The following CC2D2A variants were observed in gnomAD, a reference collection of about 807,000 sequenced individuals.
CC2D2A encodes coiled-coil and C2 domain-containing protein 2A.
A neutral mutation model predicts 212.9 loss-of-function variants in CC2D2A; 155 were observed. The ratio of observed to expected loss-of-function variants is 0.73; its 90% confidence interval spans 0.64 to 0.83. The LOEUF is 0.83. CC2D2A is among the 40% of genes least tolerant of loss of function. The pLI, the probability that CC2D2A is intolerant of heterozygous loss-of-function variation, is 0.00. For synonymous variants in CC2D2A, 667 were observed against 686.5 expected (o/e 0.97, Z 0.44); for missense variants, 1,856 against 1,956.2 (o/e 0.95, Z 0.97).
At position 15,514,768 on chromosome 4, in the gene CC2D2A, T is replaced by C. The variant is rs1440700780; in HGVS notation, c.779T>C (p.Val260Ala). The C allele has an allele frequency of 7.4e-6, 12 of 1,613,294 alleles. No individual in the cohort carries two copies. The South Asian group carries it at 8.8e-5, about 12-fold the overall frequency. Residue 260 changes from valine to alanine, a missense_variant, in exon 9 of 37, where the codon GTG (valine) becomes GCG (alanine). Coordinates refer to ENST00000424120, the MANE Select transcript of CC2D2A (RefSeq NM_001378615.1). ...AEDFLLGLDHVADDFVAVRPA... is the reference protein window; with the variant it reads ...AEDFLLGLDHAADDFVAVRPA... ...GACTTCCTATTGGGCTTAGATCACG[T>C]GGCTGACGATTTTGTAGCAGTCAGA...
chr4:15,586,060 A>G, intron 30 of CC2D2A, 97 bp from the exon 31 acceptor site: 1 of 799,876 alleles, frequency 1.3e-6, no homozygotes, highest in African/African-American at 1.7e-5. Context: ...TGTACATGTA[A>G]ATGTTTGTAA....
intron 4 of CC2D2A, among the ~76,000 whole-genome samples, chr4:15,483,747 T>C (rs978726751): frequency 6.6e-6 from 1 of 152,232 alleles, no homozygotes; most frequent in Non-Finnish European, 1.5e-5. Context: ...TGTTTTCCAG[T>C]GTGCTCCACT....
At chr4:15,509,715 G>A (rs1292302633) in intron 6 of CC2D2A, among the ~76,000 whole-genome samples, 1 of 152,184 alleles carries the variant, frequency 6.6e-6, no homozygotes, top group Non-Finnish European at 1.5e-5. Flanking sequence ...TATGTTCTGA[G>A]AAATGTGTTC....
rs150809657 is a variant in CC2D2A at position 15,530,416 on chromosome 4, A to G, written c.1466+1690A>G. On this transcript the variant is annotated intron_variant, in intron 13 of 36. Transcript: ENST00000424120. ...TAAATAAAAATTATTTTTTATATTA[A>G]AAGGAAAACATATTGCAGTCTCCTT... is the stretch of plus-strand genomic sequence containing the variant. 1.1e-3 allele frequency among the ~76,000 whole-genome samples: 163 copies of G among 152,328 alleles called. 1 individual carries two copies. The highest frequency in any genetic ancestry group is 0.01 in the Middle Eastern group (3 of 294).
chr4:15,570,867 G>C (rs1319634068), intron 28 of CC2D2A, among the ~76,000 whole-genome samples: 1 of 152,030 alleles, frequency 6.6e-6, no homozygotes, highest in African/African-American at 2.4e-5. Flanking sequence ...CAGCCTGGGT[G>C]AGAGGGCGAG....
chr4:15,569,485 C>T (rs898128617), intron 27 of CC2D2A, 96 bp downstream of exon 27: 6 of 689,240 alleles, frequency 8.7e-6, no homozygotes, highest in African/African-American at 5.3e-5. Flanking sequence ...AAAGGGGTCC[C>T]GATCTAGATC....
chr4:15,495,658 T>C (rs552555238), intron 4 of CC2D2A, among the ~76,000 whole-genome samples: 1 of 152,264 alleles, frequency 6.6e-6, no homozygotes, highest in South Asian at 2.1e-4. Flanking sequence ...GTTGATTCCA[T>C]GTATTTGCTA....
intron 11 of CC2D2A, 99 bp downstream of exon 11, chr4:15,516,855 T>A: frequency 1.1e-5 from 14 of 1,227,282 alleles, no homozygotes; most frequent in Non-Finnish European, 1.5e-5. Flanking sequence ...CTACTTTAAT[T>A]TTTTAAATAA....
In CC2D2A at chr4:15,598,023, A is replaced by C. The variant is rs944071422; in HGVS notation, c.4496+558A>C. Among the ~76,000 whole-genome samples the C allele has an allele frequency of 3.3e-5, 5 of 152,318 alleles. No individual in the cohort carries two copies. In the South Asian group the frequency reaches 8.3e-4, roughly 25 times the overall value. On this transcript the variant is annotated intron_variant, in intron 35 of 36. Coordinates refer to ENST00000424120, the MANE Select transcript of CC2D2A (RefSeq NM_001378615.1). ...ACATGTGTACTATTTCTACTGTATTAAGCTGTGTGACCCCTCTTGAGGCAT... is the reference window on the plus strand; with the variant it reads ...ACATGTGTACTATTTCTACTGTATTCAGCTGTGTGACCCCTCTTGAGGCAT...
At chr4:15,502,386 T>C (rs762932346) in intron 4 of CC2D2A, 43 bp from the exon 5 acceptor site, 1 of 1,439,594 alleles carries the variant, frequency 6.9e-7, no homozygotes, top group Admixed American at 2.3e-5. Flanking sequence ...CTTTTCTTTT[T>C]CTTTTTTTTT....
intron 11 of CC2D2A, among the ~76,000 whole-genome samples, chr4:15,520,772 T>C (rs963847657): frequency 6.6e-6 from 1 of 152,106 alleles, no homozygotes; most frequent in Admixed American, 6.5e-5. Context: ...CCAGGTGGAA[T>C]GCCAAGCAGA....
At chr4:15,470,496 A>G (rs1401282531) in intron 1 of CC2D2A, among the ~76,000 whole-genome samples, 1 of 152,170 alleles carries the variant, frequency 6.6e-6, no homozygotes, top group Non-Finnish European at 1.5e-5. Context: ...CAAAGACTTC[A>G]AGAAAATGTA....
chr4:15,546,105 G>A (rs1319578509), intron 17 of CC2D2A, among the ~76,000 whole-genome samples: 1 of 151,644 alleles, frequency 6.6e-6, no homozygotes, highest in East Asian at 1.9e-4. Flanking sequence ...GTGAGACCCT[G>A]TCTCAAAAAA....
At chr4:15,500,075 T>TTGTG (rs753590658) in intron 4 of CC2D2A, among the ~76,000 whole-genome samples, 5,776 of 124,160 alleles carry the variant, frequency 0.047, 361 homozygotes, top group East Asian at 0.15. Flanking sequence ...CAAACCTAGA[T>TTGTG]TGTGTGTGTG....
chr4:15,541,996 A>G (rs1718480120), intron 17 of CC2D2A, among the ~76,000 whole-genome samples: 1 of 151,964 alleles, frequency 6.6e-6, no homozygotes. Flanking sequence ...CCTGGCACTT[A>G]GAGTTCCTTG....
intron 9 of CC2D2A, 66 bp downstream of exon 9, chr4:15,514,935 C>T: frequency 2.1e-6 from 3 of 1,463,408 alleles, no homozygotes; most frequent in Non-Finnish European, 1.9e-6. Context: ...TGAAATATGG[C>T]TAGTGTATAA....
Position 15,567,363 on chromosome 4 carries a change from A to G in CC2D2A, c.3183-14A>G. 1 of 1,588,394 alleles carries G rather than the reference A, an allele frequency of 6.3e-7. No homozygotes were observed. The highest frequency in any genetic ancestry group is 8.6e-7 in the Non-Finnish European group (1 of 1,158,162). On this transcript the variant is annotated splice_polypyrimidine_tract_variant and intron_variant, in intron 24 of 36. Transcript: ENST00000424120. ...CCTCTATCATTAATTTCCTTCATAC[A>G]TTTTCTCTCCTAGCAAATTCCAGCA...
intron 4 of CC2D2A, chr4:15,481,247 G>A (rs1714630158): frequency 6.6e-6 from 3 of 454,730 alleles, no homozygotes; most frequent in Admixed American, 2.4e-5. Flanking sequence ...GGTGACTCAC[G>A]TCTGTAATCC....
chr4:15,592,695 A>AAT (rs1721163480), intron 33 of CC2D2A, among the ~76,000 whole-genome samples: 1 of 152,098 alleles, frequency 6.6e-6, no homozygotes, highest in African/African-American at 2.4e-5. Context: ...TTCTTCTAGG[A>AAT]CCACACCTAT....
Sources: allele counts gnomAD v4.1 joint callset (sites outside exome capture counted in the v4.1 genomes callset), GRCh38; gene constraint gnomAD v4.1.1; transcripts MANE v1.5; gene names NCBI Gene and HGNC (gene_info 2026-07-23, HGNC 2026-07-21).